CAMTA1: variants seen among roughly 807,000 people sequenced by gnomAD.
The protein encoded by CAMTA1 is calmodulin binding transcription activator 1.
CAMTA1 carries 27 observed loss-of-function variants against 170.9 expected under a neutral mutation model. The observed-to-expected ratio is 0.16, with a 90% CI of 0.12 to 0.22. The LOEUF is 0.22. Ranked by LOEUF, CAMTA1 falls within the 10% of genes least tolerant of loss-of-function variation. CAMTA1 has a pLI of 1.00. For missense variants in CAMTA1, 1,619 were observed against 2,217.2 expected, an observed-to-expected ratio of 0.73 and a Z score of 5.42; for synonymous variants, 833 against 891.5, an observed-to-expected ratio of 0.93 and a Z score of 1.17.
rs1285952193 is a variant in CAMTA1, at chr1:7,455,226, G to A, written c.439-12604G>A. The stretch of plus-strand genomic sequence containing the variant: ...TCTCTAGTGCAGGAGCCGCGGCTCG[G>A]CATGGTTCTGCGTGTGTGTTTCCGA... On this transcript the variant is annotated intron_variant, in intron 5 of 22. Transcript: ENST00000303635. The surrounding 1 kb of genome is among the most constrained non-coding windows in gnomAD (Gnocchi z 5.0). Among the ~76,000 whole-genome samples, 2 of 152,198 alleles carry A rather than the reference G, an allele frequency of 1.3e-5. No individual in the cohort carries two copies. The highest frequency in any genetic ancestry group is 1.3e-4 in the Admixed American group (2 of 15,292).
At chr1:7,020,785 G>A (rs973544933) in intron 3 of CAMTA1, among the ~76,000 whole-genome samples, 3 of 152,216 alleles carry the variant, frequency 2.0e-5, no homozygotes, top group Non-Finnish European at 2.9e-5. Context: ...AGGGACCAGG[G>A]CTGACCCCAA....
intron 5 of CAMTA1, among the ~76,000 whole-genome samples, chr1:7,399,905 C>T (rs1456419460): frequency 6.6e-6 from 1 of 152,194 alleles, no homozygotes; most frequent in Non-Finnish European, 1.5e-5. Context: ...TTAAAATTCT[C>T]TCTGTCTCTG....
intron 11 of CAMTA1, among the ~76,000 whole-genome samples, chr1:7,725,306 A>T (rs1338960129): frequency 6.6e-6 from 1 of 152,248 alleles, no homozygotes; most frequent in African/African-American, 2.4e-5. Context: ...AAGACAGCCC[A>T]TGTTGTCAGC....
At chr1:7,712,704 A>G (rs1286245446) in intron 11 of CAMTA1, among the ~76,000 whole-genome samples, 1 of 152,188 alleles carries the variant, frequency 6.6e-6, no homozygotes, top group African/African-American at 2.4e-5. Context: ...AAGGATAGGG[A>G]AATAGTCCAT....
rs952242073 is a variant in CAMTA1, at chr1:7,041,137, A to G, written c.235-50167A>G. ...GATAAAGCTGCAAAATGACTCCCTA[A>G]AAGTTGGCCCCAAGCCAGTGCGGGC... On this transcript the variant is annotated intron_variant, in intron 3 of 22. Transcript: ENST00000303635. This position sits in a 1 kb window ranked among gnomAD's most constrained non-coding sequence, Gnocchi z 5.1. 7.9e-5 allele frequency among the ~76,000 whole-genome samples: 12 copies of G among 152,282 alleles called. No individual in the cohort carries two copies. The highest frequency in any genetic ancestry group is 1.2e-4 in the African/African-American group (5 of 41,556).
intron 3 of CAMTA1, among the ~76,000 whole-genome samples, chr1:6,895,831 C>T (rs1019444477): frequency 5.3e-5 from 8 of 150,944 alleles, no homozygotes; most frequent in African/African-American, 1.9e-4. Context: ...GTCACTCTGT[C>T]ATGTGGCAGT....
At chr1:7,155,858 G>A (rs930918916) in intron 4 of CAMTA1, among the ~76,000 whole-genome samples, 2 of 152,178 alleles carry the variant, frequency 1.3e-5, no homozygotes, top group African/African-American at 4.8e-5. Context: ...GCACGTGCCT[G>A]GGTGTGGGTG....
At chr1:7,406,746 G>A (rs1193326881) in intron 5 of CAMTA1, among the ~76,000 whole-genome samples, 1 of 152,144 alleles carries the variant, frequency 6.6e-6, no homozygotes, top group Non-Finnish European at 1.5e-5. Flanking sequence ...CCTGGGCGGC[G>A]GCTCTACCCA....
At chr1:7,119,736 A>G (rs1023315678) in intron 4 of CAMTA1, among the ~76,000 whole-genome samples, 12 of 152,210 alleles carry the variant, frequency 7.9e-5, no homozygotes, top group African/African-American at 2.9e-4. Context: ...ATACAACAGT[A>G]ACAAAGGATT....
At chr1:7,335,198 G>A (rs887777114) in intron 5 of CAMTA1, among the ~76,000 whole-genome samples, 5 of 136,064 alleles carry the variant, frequency 3.7e-5, no homozygotes, top group African/African-American at 1.4e-4. Flanking sequence ...ACCCTTCTGG[G>A]GTTTTGTTTA....
chr1:6,931,389 C>T (rs757602885), intron 3 of CAMTA1, among the ~76,000 whole-genome samples: 9 of 152,146 alleles, frequency 5.9e-5, no homozygotes, highest in Non-Finnish European at 1.3e-4. Context: ...TCCATCCTGG[C>T]GTGTGTCTCT....
intron 1 of CAMTA1, among the ~76,000 whole-genome samples, chr1:6,787,112 C>G (rs943630824): frequency 1.3e-5 from 2 of 152,256 alleles, no homozygotes; most frequent in African/African-American, 4.8e-5. Context: ...GAACTCATAT[C>G]CTCCTCTGTG....
At chr1:7,336,626 T>G (rs532961333) in intron 5 of CAMTA1, among the ~76,000 whole-genome samples, 1 of 152,312 alleles carries the variant, frequency 6.6e-6, no homozygotes, top group Non-Finnish European at 1.5e-5. Context: ...GACTTGGGAC[T>G]GTTGAGCAGG....
rs1376015394 is a variant in CAMTA1, at chr1:7,249,793, A to G, written c.438+167A>G. 1.3e-5 allele frequency among the ~76,000 whole-genome samples: 2 copies of G among 152,220 alleles called. No individual in the cohort carries two copies. The highest frequency in any genetic ancestry group is 2.1e-4 in the South Asian group (1 of 4,834). ...TTTCGTTTTTCTACCTTCTTACCCTATAGTCTCCATTCAAGTTTTCAGTGA... is the reference window on the plus strand; with the variant it reads ...TTTCGTTTTTCTACCTTCTTACCCTGTAGTCTCCATTCAAGTTTTCAGTGA... On this transcript the variant is annotated intron_variant, in intron 5 of 22. Transcript: ENST00000303635. This position sits in a 1 kb window ranked among gnomAD's most constrained non-coding sequence, Gnocchi z 4.4.
intron 7 of CAMTA1, among the ~76,000 whole-genome samples, chr1:7,643,847 G>A (rs949137224): frequency 1.1e-4 from 17 of 151,988 alleles, no homozygotes; most frequent in African/African-American, 3.4e-4. Context: ...AGGAGAAGGC[G>A]CAGATGACGA....
intron 7 of CAMTA1, among the ~76,000 whole-genome samples, chr1:7,647,250 T>C (rs1036891665): frequency 6.8e-6 from 1 of 147,766 alleles, no homozygotes; most frequent in Non-Finnish European, 1.5e-5. Context: ...TTTCTCATAA[T>C]TTTTCAGACA....
chr1:7,113,652 G>GGAA lies in CAMTA1; in HGVS notation c.302+22283_302+22285dup, dbSNP rs1217180666. On this transcript the variant is annotated intron_variant, in intron 4 of 22. Transcript: ENST00000303635. This position sits in a 1 kb window ranked among gnomAD's most constrained non-coding sequence, Gnocchi z 4.5. ...AATTTATATTCTAACATGGTAATGA[G>GGAA]GAAGCGGCTTTTGTCCAAGAGGTGA... 6.6e-6 allele frequency among the ~76,000 whole-genome samples: 1 copy of GGAA among 152,226 alleles called. No individual in the cohort carries two copies. Among genetic ancestry groups the GGAA allele is most frequent in the Non-Finnish European group, 1.5e-5 (1 of 68,030 alleles).
intron 6 of CAMTA1, among the ~76,000 whole-genome samples, chr1:7,525,931 C>T (rs562312010): frequency 1.3e-3 from 205 of 152,186 alleles, no homozygotes; most frequent in African/African-American, 4.8e-3. Flanking sequence ...GGAGCCCCCA[C>T]CCAGACCTGG....
intron 1 of CAMTA1, among the ~76,000 whole-genome samples, chr1:6,813,257 G>A (rs578109095): frequency 6.6e-6 from 1 of 152,046 alleles, no homozygotes; most frequent in African/African-American, 2.4e-5. Context: ...ATGTTGAATT[G>A]CCCATCTCAT....
Sources: allele counts gnomAD v4.1 joint callset (sites outside exome capture counted in the v4.1 genomes callset), GRCh38; gene constraint gnomAD v4.1.1; non-coding constraint Gnocchi (gnomAD v3.1); transcripts MANE v1.5; gene names NCBI Gene and HGNC (gene_info 2026-07-23, HGNC 2026-07-21).